RAI1: variants seen among roughly 807,000 people sequenced by gnomAD.
RAI1 encodes the protein retinoic acid induced 1.
A neutral mutation model predicts 123.8 loss-of-function variants in RAI1; 9 were observed. The observed-to-expected ratio is 0.07, with a 90% confidence interval of 0.04 to 0.13. RAI1 has a LOEUF of 0.13. RAI1 is among the 10% of genes least tolerant of loss of function. The probability of loss-of-function intolerance (pLI) is 1.00; values close to 1 mark genes in which losing one functional copy is unlikely to be tolerated. For synonymous variants in RAI1, 1,231 were observed against 1,127.3 expected, an observed-to-expected ratio of 1.09 and a Z score of -1.84; for missense variants, 2,256 against 2,545.8, an observed-to-expected ratio of 0.89 and a Z score of 2.45.
In RAI1 at chr17:17,797,235, C is replaced by T; in HGVS notation, c.4287C>T (p.Phe1429=). Residue 1429 remains phenylalanine, a synonymous_variant, in exon 3 of 6, where the codon TTC becomes TTT. Transcript: ENST00000353383. ...CTGACTGTTTCAAAACCGAGGCCTT[C>T]ACATCCCCGGAGGCCCTGCAGCCTG... ...SSTDCFKTEA[F]TSPEALQPGG... 1 of 1,613,604 alleles carries T rather than the reference C, an allele frequency of 6.2e-7. No homozygotes were observed. Among genetic ancestry groups the T allele is most frequent in the Non-Finnish European group, 8.5e-7 (1 of 1,180,034 alleles).
At chr17:17,715,929 T>G (rs1262371124) in intron 1 of RAI1, among the ~76,000 whole-genome samples, 1 of 152,020 alleles carries the variant, frequency 6.6e-6, no homozygotes, top group Non-Finnish European at 1.5e-5. Flanking sequence ...AGTGGAGGAG[T>G]GCTGGAAGGC....
At position 17,810,838 on chromosome 17, in the gene RAI1, G is replaced by C; in HGVS notation, c.*857G>C. On this transcript the variant is annotated 3_prime_UTR_variant, in exon 6 of 6. Transcript: ENST00000353383. This position sits in a 1 kb window ranked among gnomAD's most constrained non-coding sequence, Gnocchi z 4.6. ...ACGCGCGACCGTTGTGCACCACCAG[G>C]GACCGCCGCGCCTACTCTGCACGGG... The C allele has an allele frequency of 2.2e-6, 1 of 453,348 alleles. No individual in the cohort carries two copies. The highest frequency in any genetic ancestry group is 4.5e-6 in the Non-Finnish European group (1 of 224,440). The allele number at this position is 453,348 out of a possible 1,614,324, so 28.1% of individuals were successfully genotyped here. A position where few individuals can be genotyped will look rare whatever the true frequency, so the allele number is the denominator to read the frequency against.
Position 17,796,293 on chromosome 17 carries a change from G to A in RAI1, c.3345G>A (p.Leu1115=), listed in dbSNP as rs774994277. ...AASSPSNPAA[L]PVASDSSPMG... ...CCAGCCCCAGCAACCCGGCCGCCCT[G>A]CCTGTGGCCTCCGACAGCAGCCCGA... Residue 1115 remains leucine (L), a synonymous_variant, in exon 3 of 6, where the codon CTG becomes CTA. Coordinates refer to ENST00000353383, the MANE Select transcript of RAI1 (RefSeq NM_030665.4). This position sits in a 1 kb window ranked among gnomAD's most constrained non-coding sequence, Gnocchi z 5.8. 3 of 1,605,086 alleles carry A rather than the reference G, an allele frequency of 1.9e-6. No individual in the cohort carries two copies. The highest frequency in any genetic ancestry group is 1.1e-5 in the South Asian group (1 of 90,848).
chr17:17,794,052 G>A lies in RAI1; in HGVS notation c.1104G>A (p.Glu368=). 1 of 1,613,962 alleles carries A rather than the reference G, an allele frequency of 6.2e-7. No homozygotes were observed. Among genetic ancestry groups the A allele is most frequent in the Non-Finnish European group, 8.5e-7 (1 of 1,180,018 alleles). ...STPSPLMPNL[E]NFPYSQQPLS... ...CGTCGCCGCTGATGCCAAACCTGGA[G>A]AACTTTCCCTACAGCCAGCAGCCGC... Residue 368 remains glutamate, a synonymous_variant, in exon 3 of 6, where the codon GAG becomes GAA. Coordinates refer to ENST00000353383, the MANE Select transcript of RAI1 (RefSeq NM_030665.4).
At chr17:17,756,860 C>T (rs1350809061) in intron 2 of RAI1, among the ~76,000 whole-genome samples, 2 of 152,190 alleles carry the variant, frequency 1.3e-5, no homozygotes, top group African/African-American at 4.8e-5. Context: ...CCTCAGGCTT[C>T]CCACCTGTTC....
chr17:17,715,650 G>A (rs1915687577), intron 1 of RAI1, among the ~76,000 whole-genome samples: 2 of 152,176 alleles, frequency 1.3e-5, no homozygotes, highest in Admixed American at 6.5e-5. Context: ...AGCAGCAAGT[G>A]TCCCTCCCGC....
intron 2 of RAI1, among the ~76,000 whole-genome samples, chr17:17,734,195 G>T (rs894975846): frequency 6.6e-6 from 1 of 152,162 alleles, no homozygotes; most frequent in Non-Finnish European, 1.5e-5. Flanking sequence ...GCAAACTGAA[G>T]GGCATGTTCA....
rs2032692326 is a variant in RAI1, at chr17:17,809,921, C to G, written c.5710-49C>G. Reference sequence around the variant, plus strand: ...CCACACTGGGGGCGGGGCCTATGGACTGTGAAGTCCGAGGTCGTCGGTAAC... The same window carrying G: ...CCACACTGGGGGCGGGGCCTATGGAGTGTGAAGTCCGAGGTCGTCGGTAAC... On this transcript the variant is annotated intron_variant, in intron 5 of 5. Coordinates refer to ENST00000353383, the MANE Select transcript of RAI1 (RefSeq NM_030665.4). The surrounding 1 kb of genome is among the most constrained non-coding windows in gnomAD (Gnocchi z 4.9). 3 of 1,555,854 alleles carry G rather than the reference C, an allele frequency of 1.9e-6. No homozygotes were observed. The highest frequency in any genetic ancestry group is 2.6e-6 in the Non-Finnish European group (3 of 1,151,104).
At chr17:17,789,343 C>T (rs1034717845) in intron 2 of RAI1, among the ~76,000 whole-genome samples, 2 of 152,220 alleles carry the variant, frequency 1.3e-5, no homozygotes, top group East Asian at 1.9e-4. Context: ...TCAAGAAAGC[C>T]GCACAGAGTA....
intron 4 of RAI1, among the ~76,000 whole-genome samples, chr17:17,806,167 T>A (rs1419075828): frequency 6.6e-6 from 1 of 152,216 alleles, no homozygotes; most frequent in Admixed American, 6.5e-5. Context: ...TCATCCTGTC[T>A]GAACAAGGGA....
intron 2 of RAI1, among the ~76,000 whole-genome samples, chr17:17,757,583 C>T (rs568390452): frequency 3.3e-5 from 5 of 152,188 alleles, no homozygotes; most frequent in South Asian, 2.1e-4. Context: ...CCTGCCCAGC[C>T]GTGGCTGCCG....
chr17:17,809,940 C>T lies in RAI1; in HGVS notation c.5710-30C>T, dbSNP rs762857030. On this transcript the variant is annotated intron_variant, in intron 5 of 5. Transcript: ENST00000353383. The surrounding 1 kb of genome is among the most constrained non-coding windows in gnomAD (Gnocchi z 4.9). The stretch of plus-strand genomic sequence containing the variant: ...TATGGACTGTGAAGTCCGAGGTCGT[C>T]GGTAACTGGCGGGCGGGCGTCTTTT... 3.8e-5 allele frequency: 59 copies of T among 1,559,526 alleles called. No individual in the cohort carries two copies. In the African/African-American group the frequency reaches 6.7e-4, roughly 18 times the overall value.
At chr17:17,726,989 A>ATT (rs1435819413) in intron 2 of RAI1, among the ~76,000 whole-genome samples, 1 of 152,224 alleles carries the variant, frequency 6.6e-6, no homozygotes, top group African/African-American at 2.4e-5. Context: ...ATGTACCATA[A>ATT]TTTACTTAAT....
chr17:17,790,089 AC>A (rs1432144713), intron 2 of RAI1, among the ~76,000 whole-genome samples: 3 of 151,836 alleles, frequency 2.0e-5, no homozygotes, highest in Non-Finnish European at 4.4e-5. Flanking sequence ...GCCCAACCCA[AC>A]CCAGCCCAGC....
At chr17:17,722,984 AC>A (rs146154236) in intron 1 of RAI1, among the ~76,000 whole-genome samples, 1,785 of 152,128 alleles carry the variant, frequency 0.012, 42 homozygotes, top group African/African-American at 0.041. Flanking sequence ...CTCAGACCCC[AC>A]GCAGATCCAG....
chr17:17,755,585 C>T (rs1272486157), intron 2 of RAI1, among the ~76,000 whole-genome samples: 1 of 152,144 alleles, frequency 6.6e-6, no homozygotes, highest in African/African-American at 2.4e-5. Context: ...AGCAGAGACC[C>T]TTAGTCCCTC....
chr17:17,687,856 C>T (rs1914691552), intron 1 of RAI1, among the ~76,000 whole-genome samples: 1 of 151,140 alleles, frequency 6.6e-6, no homozygotes, highest in South Asian at 2.1e-4. Flanking sequence ...ATGGCAAAAC[C>T]CCATCTCCAC....
At chr17:17,747,389 T>G (rs1003155091) in intron 2 of RAI1, among the ~76,000 whole-genome samples, 7 of 152,028 alleles carry the variant, frequency 4.6e-5, no homozygotes, top group Non-Finnish European at 1.0e-4. Context: ...GAAGATGGGG[T>G]GGGCCAGTCC....
chr17:17,710,374 C>T (rs1166671448), intron 1 of RAI1, among the ~76,000 whole-genome samples: 2 of 152,196 alleles, frequency 1.3e-5, no homozygotes, highest in African/African-American at 4.8e-5. Context: ...TCCATCCCTA[C>T]GTGGATATAC....
Sources: gnomAD v4.1 joint callset for allele counts (sites outside exome capture counted in the v4.1 genomes callset) on GRCh38, gnomAD v4.1.1 for gene constraint, Gnocchi (gnomAD v3.1) non-coding constraint, MANE v1.5 for transcripts, NCBI Gene and HGNC (gene_info 2026-07-23, HGNC 2026-07-21) for gene names.